The following ARHGAP24 variants were observed in gnomAD, a reference collection of about 807,000 sequenced individuals.
ARHGAP24 encodes the protein rho GTPase-activating protein 24.
A neutral mutation model predicts 76.4 loss-of-function variants in ARHGAP24; 50 were observed. The ratio of observed to expected loss-of-function variants is 0.65; its 90% confidence interval spans 0.52 to 0.83. The LOEUF (loss-of-function observed/expected upper bound fraction) is 0.83. Among genes scored for constraint, ARHGAP24 ranks in the 40% least tolerant of loss-of-function variants. The pLI is 0.00. For missense variants in ARHGAP24, 930 were observed against 914.2 expected, an observed-to-expected ratio of 1.02 and a Z score of -0.22; for synonymous variants, 345 against 323.3, an observed-to-expected ratio of 1.07 and a Z score of -0.72.
chr4:85,706,409 A>T (rs1724309438), intron 2 of ARHGAP24, among the ~76,000 whole-genome samples: 1 of 152,188 alleles, frequency 6.6e-6, no homozygotes, highest in Non-Finnish European at 1.5e-5. Flanking sequence ...CTGTCATAAT[A>T]AGAAATTTTA....
At chr4:85,529,610 A>G (rs1461006850) in intron 1 of ARHGAP24, among the ~76,000 whole-genome samples, 1 of 152,014 alleles carries the variant, frequency 6.6e-6, no homozygotes, top group Non-Finnish European at 1.5e-5. Context: ...TAGGATGTCA[A>G]GCATCATCCT....
intron 1 of ARHGAP24, among the ~76,000 whole-genome samples, chr4:85,502,019 G>A (rs1560510867): frequency 6.6e-6 from 1 of 152,124 alleles, no homozygotes; most frequent in Non-Finnish European, 1.5e-5. Flanking sequence ...GTTTGTCAAA[G>A]ATCAGATGGT....
At chr4:85,672,652 C>G (rs1386866414) in intron 2 of ARHGAP24, among the ~76,000 whole-genome samples, 1 of 152,176 alleles carries the variant, frequency 6.6e-6, no homozygotes, top group East Asian at 1.9e-4. Flanking sequence ...CTGGTTCCAG[C>G]TGGGCTCTGG....
chr4:85,774,566 AGG>A (rs1727240707), intron 3 of ARHGAP24, among the ~76,000 whole-genome samples: 1 of 152,226 alleles, frequency 6.6e-6, no homozygotes, highest in Non-Finnish European at 1.5e-5. Context: ...GGAAGCTCTT[AGG>A]ACCTCTAGCA....
At chr4:85,907,888 G>A (rs1300311404) in intron 3 of ARHGAP24, among the ~76,000 whole-genome samples, 1 of 152,118 alleles carries the variant, frequency 6.6e-6, no homozygotes, top group Non-Finnish European at 1.5e-5. Flanking sequence ...CTTGCAAGCA[G>A]TGAGCCTGGA....
rs72976705 is a variant in ARHGAP24 at position 85,747,024 on chromosome 4, T to C, written c.268+25052T>C. Among the ~76,000 whole-genome samples the C allele has an allele frequency of 7.2e-3, 1,092 of 152,254 alleles. 15 individuals are homozygous for C. The highest frequency in any genetic ancestry group is 0.024 in the African/African-American group (988 of 41,548). ...ATCTTATTTGTATATAACTAAACCATGGCTGGGACATCACTGCCAGTCAGT... is the reference window on the plus strand; with the variant it reads ...ATCTTATTTGTATATAACTAAACCACGGCTGGGACATCACTGCCAGTCAGT... On this transcript the variant is annotated intron_variant, in intron 3 of 9. Transcript: ENST00000395184.
At chr4:85,764,300 T>A (rs931544829) in intron 3 of ARHGAP24, among the ~76,000 whole-genome samples, 2 of 152,128 alleles carry the variant, frequency 1.3e-5, no homozygotes, top group Admixed American at 6.6e-5. Context: ...AGGGCTCTCG[T>A]GTGGCAACAT....
chr4:85,781,269 T>C (rs1005815811), intron 3 of ARHGAP24, among the ~76,000 whole-genome samples: 3 of 152,202 alleles, frequency 2.0e-5, no homozygotes, highest in Admixed American at 6.5e-5. Flanking sequence ...TACAATGAAT[T>C]AGTAGCACAA....
rs562772100 is a variant in ARHGAP24 at position 85,578,256 on chromosome 4, C to G, written c.180+7535C>G. Among the ~76,000 whole-genome samples the G allele has an allele frequency of 8.5e-5, 13 of 152,288 alleles. No individual in the cohort carries two copies. The East Asian group carries it at 1.5e-3, about 18-fold the overall frequency. ...ACTATGCTATAGATAAATACTTGAC[C>G]TGCCATCATTCCATTAGCGTGTAAG... On this transcript the variant is annotated intron_variant, in intron 2 of 9. Coordinates refer to ENST00000395184, the MANE Select transcript of ARHGAP24 (RefSeq NM_001025616.3).
intron 9 of ARHGAP24, among the ~76,000 whole-genome samples, chr4:85,998,144 A>G (rs950219469): frequency 1.3e-5 from 2 of 152,170 alleles, no homozygotes; most frequent in African/African-American, 2.4e-5. Context: ...TTTATCAGCT[A>G]TATCAATAAT....
chr4:85,874,350 A>G (rs1025245519), intron 3 of ARHGAP24, among the ~76,000 whole-genome samples: 3 of 152,116 alleles, frequency 2.0e-5, no homozygotes, highest in Admixed American at 2.0e-4. Flanking sequence ...CTTCCGAATT[A>G]ATCCATTGTT....
intron 3 of ARHGAP24, among the ~76,000 whole-genome samples, chr4:85,788,502 A>C (rs1727960654): frequency 6.6e-6 from 1 of 152,156 alleles, no homozygotes; most frequent in Non-Finnish European, 1.5e-5. Context: ...TGAAATACGA[A>C]GTGTAGGATT....
At chr4:85,570,388 TTC>T (rs1727082350) in intron 1 of ARHGAP24, 132 bp from the exon 2 acceptor site, 4 of 17,258 alleles carry the variant, frequency 2.3e-4, no homozygotes, top group South Asian at 6.8e-4. Flanking sequence ...CTTTCTTTCT[TTC>T]TTTCTTTCTT....
Position 85,625,398 on chromosome 4 carries a change from A to T in ARHGAP24, c.180+54677A>T, listed in dbSNP as rs544309456. Among the ~76,000 whole-genome samples, 659 of 152,204 alleles carry T rather than the reference A, an allele frequency of 4.3e-3. 2 individuals are homozygous for T. The highest frequency in any genetic ancestry group is 6.9e-3 in the Non-Finnish European group (472 of 67,992). ...TGAGCGGTTTTGAGTGAGTTTCTTA[A>T]TCCTGAGCTCTAGTTTGATTGCACT... is the stretch of plus-strand genomic sequence containing the variant. On this transcript the variant is annotated intron_variant, in intron 2 of 9. Coordinates refer to ENST00000395184, the MANE Select transcript of ARHGAP24 (RefSeq NM_001025616.3).
At chr4:85,972,394 G>A (rs753311968) in intron 6 of ARHGAP24, 6 of 558,646 alleles carry the variant, frequency 1.1e-5, no homozygotes, top group South Asian at 6.1e-5. Flanking sequence ...AAATCAGCAC[G>A]ACTTGCCGCT....
At chr4:85,929,722 C>T (rs1736216079) in intron 4 of ARHGAP24, among the ~76,000 whole-genome samples, 2 of 152,202 alleles carry the variant, frequency 1.3e-5, no homozygotes, top group Non-Finnish European at 2.9e-5. Context: ...AAACATTTTT[C>T]TGTTTTACAG....
rs199656366 is a variant in ARHGAP24, at chr4:85,598,918, T to A, written c.180+28197T>A. Among the ~76,000 whole-genome samples the A allele has an allele frequency of 6.6e-5, 10 of 151,798 alleles. No homozygotes were observed. In the East Asian group the frequency reaches 1.7e-3, roughly 26 times the overall value. ...AAATAGTTAAAATTAATTTTATTCA[T>A]ATATTTTACTTAATGGAATATATCT... On this transcript the variant is annotated intron_variant, in intron 2 of 9. Coordinates refer to ENST00000395184, the MANE Select transcript of ARHGAP24 (RefSeq NM_001025616.3).
At chr4:85,500,577 T>C (rs907317972) in intron 1 of ARHGAP24, among the ~76,000 whole-genome samples, 3 of 152,234 alleles carry the variant, frequency 2.0e-5, no homozygotes, top group African/African-American at 7.2e-5. Flanking sequence ...TTTAAAGTAA[T>C]TTATTTTAGT....
At chr4:85,774,534 T>C (rs1213602137) in intron 3 of ARHGAP24, among the ~76,000 whole-genome samples, 1 of 152,212 alleles carries the variant, frequency 6.6e-6, no homozygotes, top group African/African-American at 2.4e-5. Flanking sequence ...ACTGCAGCAT[T>C]CAGGAAATGA....
Sources: allele counts gnomAD v4.1 joint callset (sites outside exome capture counted in the v4.1 genomes callset), GRCh38; gene constraint gnomAD v4.1.1; transcripts MANE v1.5; gene names NCBI Gene and HGNC (gene_info 2026-07-23, HGNC 2026-07-21).